GNAQ: variants seen among roughly 807,000 people sequenced by gnomAD.
GNAQ encodes the protein guanine nucleotide-binding protein G(q) subunit alpha.
Under a neutral mutation model 43.9 loss-of-function variants are expected in GNAQ, and 8 were observed. That is an observed-to-expected ratio of 0.18 (90% CI 0.11 to 0.33). GNAQ has a LOEUF of 0.33. GNAQ is among the 10% of genes least tolerant of loss of function. The probability of loss-of-function intolerance (pLI) is 1.00; values close to 1 mark genes in which losing one functional copy is unlikely to be tolerated. For missense variants in GNAQ, 158 were observed against 450.8 expected (o/e 0.35, Z 5.88); for synonymous variants, 155 against 170.7 (o/e 0.91, Z 0.71).
chr9:77,839,954 T>C (rs545597571), intron 2 of GNAQ, among the ~76,000 whole-genome samples: 8 of 152,246 alleles, frequency 5.3e-5, no homozygotes, highest in Non-Finnish European at 1.2e-4. Context: ...GAGAGCCAAG[T>C]TGAACTTTGG....
chr9:78,021,863 A>G (rs1051346871), intron 1 of GNAQ, among the ~76,000 whole-genome samples: 2 of 152,254 alleles, frequency 1.3e-5, no homozygotes, highest in African/African-American at 4.8e-5. Flanking sequence ...ACGGAAGAAA[A>G]GACCCAGTCC....
chr9:77,915,981 A>C (rs1031724507), intron 2 of GNAQ, among the ~76,000 whole-genome samples: 3 of 152,096 alleles, frequency 2.0e-5, no homozygotes, highest in Admixed American at 2.0e-4. Flanking sequence ...TCCCCTGTCT[A>C]AAGACTTAGC....
intron 1 of GNAQ, among the ~76,000 whole-genome samples, chr9:77,991,816 A>T (rs1306828367): frequency 1.3e-5 from 2 of 152,150 alleles, no homozygotes; most frequent in Non-Finnish European, 2.9e-5. Flanking sequence ...AGAACATATG[A>T]TATTTAGTTT....
At chr9:77,955,005 G>A (rs1184132516) in intron 1 of GNAQ, among the ~76,000 whole-genome samples, 1 of 152,114 alleles carries the variant, frequency 6.6e-6, no homozygotes, top group Non-Finnish European at 1.5e-5. Flanking sequence ...CATAACCACC[G>A]AATAGTAACT....
At position 77,792,119 on chromosome 9, in the gene GNAQ, T is replaced by C. The variant is rs1238619682; in HGVS notation, c.735+2344A>G. On this transcript the variant is annotated intron_variant, in intron 5 of 6. Transcript: ENST00000286548. ...TACAGACAGTGATAGCTGTGGCTAATATGGATGAAGGAATTAATGAACAGC... is the reference window on the plus strand; with the variant it reads ...TACAGACAGTGATAGCTGTGGCTAACATGGATGAAGGAATTAATGAACAGC... Among the ~76,000 whole-genome samples, 3 of 152,278 alleles carry C rather than the reference T, an allele frequency of 2.0e-5. No homozygotes were observed. The East Asian group carries it at 5.8e-4, about 29-fold the overall frequency.
intron 2 of GNAQ, among the ~76,000 whole-genome samples, chr9:77,891,261 C>T (rs1828400332): frequency 6.6e-6 from 1 of 152,142 alleles, no homozygotes; most frequent in Non-Finnish European, 1.5e-5. Flanking sequence ...CCAGCCCTAT[C>T]ACACGTTCTC....
chr9:77,920,095 C>G (rs749597012), intron 2 of GNAQ, among the ~76,000 whole-genome samples: 6 of 151,598 alleles, frequency 4.0e-5, no homozygotes, highest in Non-Finnish European at 8.8e-5. Context: ...GCTGAGATCG[C>G]GCCACTGCAC....
intron 2 of GNAQ, among the ~76,000 whole-genome samples, chr9:77,914,886 T>G (rs534515382): frequency 7.2e-5 from 11 of 151,746 alleles, no homozygotes; most frequent in Non-Finnish European, 1.2e-4. Flanking sequence ...CGTATGGGAT[T>G]TAGATACAAA....
At chr9:77,870,047 T>A (rs543436525) in intron 2 of GNAQ, among the ~76,000 whole-genome samples, 1 of 152,314 alleles carries the variant, frequency 6.6e-6, no homozygotes, top group Non-Finnish European at 1.5e-5. Flanking sequence ...GAAATATAGC[T>A]AGAATAATAG....
At chr9:77,873,520 G>C (rs1419837624) in intron 2 of GNAQ, among the ~76,000 whole-genome samples, 2 of 152,134 alleles carry the variant, frequency 1.3e-5, no homozygotes, top group Non-Finnish European at 2.9e-5. Context: ...ATTTGTGGCA[G>C]GTGTCCTTGT....
Position 78,031,747 on chromosome 9 carries a change from C to T in GNAQ, c.-512G>A, listed in dbSNP as rs1824065856. Among the ~76,000 whole-genome samples the T allele has an allele frequency of 6.8e-6, 1 of 146,750 alleles. No homozygotes were observed. Among genetic ancestry groups the T allele is most frequent in the Admixed American group, 6.7e-5 (1 of 14,826 alleles). On this transcript the variant is annotated 5_prime_UTR_variant, in exon 1 of 7. Coordinates refer to ENST00000286548, the MANE Select transcript of GNAQ (RefSeq NM_002072.5). Reference sequence around the variant, plus strand: ...CCGCCTGACACGGCTCCCGGGCGCCCTCGGCCCTGTCCGCGCCCACCGCCC... The same window carrying T: ...CCGCCTGACACGGCTCCCGGGCGCCTTCGGCCCTGTCCGCGCCCACCGCCC...
intron 4 of GNAQ, among the ~76,000 whole-genome samples, chr9:77,797,200 T>C (rs1826671909): frequency 6.6e-6 from 1 of 152,046 alleles, no homozygotes; most frequent in South Asian, 2.1e-4. Flanking sequence ...GCCCGGCTAA[T>C]TTTTGTATTT....
chr9:77,758,919 A>G (rs1240688934), intron 5 of GNAQ, among the ~76,000 whole-genome samples: 1 of 152,160 alleles, frequency 6.6e-6, no homozygotes, highest in African/African-American at 2.4e-5. Context: ...GATAATCCAA[A>G]CTTATTCTCA....
At position 77,762,454 on chromosome 9, in the gene GNAQ, G is replaced by A. The variant is rs1465662025; in HGVS notation, c.735+32009C>T. ...GGGTCAGCCCCCCGCCTGGCCAGCC[G>A]CCCCATCCGGGAGGGAGGTGGGGGG... On this transcript the variant is annotated intron_variant, in intron 5 of 6. Coordinates refer to ENST00000286548, the MANE Select transcript of GNAQ (RefSeq NM_002072.5). Among the ~76,000 whole-genome samples, 167 of 133,322 alleles carry A rather than the reference G, an allele frequency of 1.3e-3. 4 individuals are homozygous for A. Among genetic ancestry groups the A allele is most frequent in the African/African-American group, 4.7e-3 (152 of 32,310 alleles). 87.5% of individuals were successfully genotyped at this position (133,322 alleles called of 152,430 possible).
chr9:77,903,455 A>T (rs1404996011), intron 2 of GNAQ, among the ~76,000 whole-genome samples: 1 of 152,138 alleles, frequency 6.6e-6, no homozygotes, highest in Non-Finnish European at 1.5e-5. Context: ...AGGAAAATGG[A>T]AAATGTTTAA....
At chr9:77,784,110 GT>G (rs150563802) in intron 5 of GNAQ, among the ~76,000 whole-genome samples, 15,482 of 150,298 alleles carry the variant, frequency 0.1, 875 homozygotes, top group South Asian at 0.19. Context: ...TGAAATTTTT[GT>G]TTTTTTTTCC....
chr9:77,984,238 C>T (rs993702240), intron 1 of GNAQ, among the ~76,000 whole-genome samples: 3 of 150,580 alleles, frequency 2.0e-5, no homozygotes, highest in Non-Finnish European at 4.4e-5. Context: ...GGCATGATCT[C>T]GGCTCACTGC....
At chr9:77,816,007 G>C (rs1450888205) in intron 2 of GNAQ, among the ~76,000 whole-genome samples, 1 of 152,092 alleles carries the variant, frequency 6.6e-6, no homozygotes, top group Non-Finnish European at 1.5e-5. Flanking sequence ...GGAAACTAGA[G>C]GAAGGTGGCG....
At chr9:77,768,476 TACTGTGGAAGAAACA>T (rs1201687976) in intron 5 of GNAQ, among the ~76,000 whole-genome samples, 1 of 152,160 alleles carries the variant, frequency 6.6e-6, no homozygotes, top group Non-Finnish European at 1.5e-5. Flanking sequence ...TCAAGTGAAA[TACTGTGGAAGAAACA>T]CTGAGCTTGG....
Sources: gnomAD v4.1 joint callset for allele counts (sites outside exome capture counted in the v4.1 genomes callset) on GRCh38, gnomAD v4.1.1 for gene constraint, MANE v1.5 for transcripts, NCBI Gene and HGNC (gene_info 2026-07-23, HGNC 2026-07-21) for gene names.